NEO1: variants seen among roughly 807,000 people sequenced by gnomAD.
NEO1 encodes the protein neogenin.
In NEO1, 63 loss-of-function variants were observed where a neutral mutation model predicts 159.7. The ratio of observed to expected loss-of-function variants is 0.39; its 90% CI spans 0.32 to 0.49. NEO1 has a LOEUF of 0.49. NEO1 is among the 20% of genes least tolerant of loss of function. The pLI is 0.85. For missense variants in NEO1, 1,615 were observed against 1,831.0 expected (o/e 0.88, Z 2.15); for synonymous variants, 633 against 662.0 (o/e 0.96, Z 0.67).
At chr15:73,196,593 C>G (rs1327164944) in intron 7 of NEO1, among the ~76,000 whole-genome samples, 1 of 152,212 alleles carries the variant, frequency 6.6e-6, no homozygotes, top group Non-Finnish European at 1.5e-5. Flanking sequence ...CATTTTGGCC[C>G]TAATGAGTCT....
chr15:73,195,875 T>A (rs1313067098), intron 7 of NEO1, among the ~76,000 whole-genome samples: 2 of 152,202 alleles, frequency 1.3e-5, no homozygotes, highest in African/African-American at 4.8e-5. Flanking sequence ...TTCAAAATAA[T>A]CTCAGGAAAT....
intron 1 of NEO1, among the ~76,000 whole-genome samples, chr15:73,105,913 C>T (rs2096780089): frequency 6.6e-6 from 1 of 152,102 alleles, no homozygotes; most frequent in Non-Finnish European, 1.5e-5. Context: ...TGTGAAGGTA[C>T]ATTTCCCCCT....
chr15:73,130,848 A>G (rs978394993), intron 4 of NEO1, among the ~76,000 whole-genome samples: 6 of 152,250 alleles, frequency 3.9e-5, no homozygotes, highest in African/African-American at 9.6e-5. Context: ...GGCTCGCTTC[A>G]TGGTGTCAAC....
intron 5 of NEO1, among the ~76,000 whole-genome samples, chr15:73,166,167 A>G (rs560800910): frequency 1.1e-4 from 17 of 152,116 alleles, no homozygotes; most frequent in African/African-American, 4.1e-4. Flanking sequence ...CCACCCCCAT[A>G]CCTGCTATAG....
intron 4 of NEO1, among the ~76,000 whole-genome samples, chr15:73,134,830 A>G (rs1051751346): frequency 6.6e-6 from 1 of 151,936 alleles, no homozygotes; most frequent in African/African-American, 2.4e-5. Context: ...AAGGAATTCT[A>G]TATGAAAAGC....
Position 73,288,307 on chromosome 15 carries a change from G to A in NEO1, c.3411-6G>A, listed in dbSNP as rs781020799. ...TTTTAAAAGCTCCTCTGAACTTCGT[G>A]CCTAGGAAACGAGCTGCCTGCAAAT... is the stretch of plus-strand genomic sequence containing the variant. On this transcript the variant is annotated splice_region_variant and splice_polypyrimidine_tract_variant and intron_variant, in intron 23 of 28. Coordinates refer to ENST00000261908, the MANE Select transcript of NEO1 (RefSeq NM_002499.4). 24 of 1,609,870 alleles carry A rather than the reference G, an allele frequency of 1.5e-5. No homozygotes were observed. Among genetic ancestry groups the A allele is most frequent in the Non-Finnish European group, 1.7e-5 (20 of 1,176,516 alleles).
rs138904950 is a variant in NEO1 at position 73,218,743 on chromosome 15, G to A, written c.1292-17604G>A. Among the ~76,000 whole-genome samples, 323 of 152,314 alleles carry A rather than the reference G, an allele frequency of 2.1e-3. 4 individuals are homozygous for A. The highest frequency in any genetic ancestry group is 7.4e-3 in the African/African-American group (306 of 41,564). Reference sequence around the variant, plus strand: ...GTGATTGTAGTATTCCCTGATGGTAGTTTGTATTTCTGTGGGATCGGTGGT... The same window carrying A: ...GTGATTGTAGTATTCCCTGATGGTAATTTGTATTTCTGTGGGATCGGTGGT... On this transcript the variant is annotated intron_variant, in intron 7 of 28. Coordinates refer to ENST00000261908, the MANE Select transcript of NEO1 (RefSeq NM_002499.4).
chr15:73,288,828 A>G (rs748767596), intron 24 of NEO1, among the ~76,000 whole-genome samples: 1 of 152,108 alleles, frequency 6.6e-6, no homozygotes, highest in Non-Finnish European at 1.5e-5. Flanking sequence ...TAGCTAGCCC[A>G]TGTCTGTGCA....
chr15:73,110,667 C>A (rs770708944), intron 1 of NEO1, among the ~76,000 whole-genome samples: 9 of 151,972 alleles, frequency 5.9e-5, no homozygotes, highest in Non-Finnish European at 1.5e-5. Context: ...GAGAGCTATT[C>A]CATTAAGACG....
At chr15:73,294,691 C>G (rs11629919) in intron 26 of NEO1, among the ~76,000 whole-genome samples, 11,231 of 152,084 alleles carry the variant, frequency 0.074, 498 homozygotes, top group South Asian at 0.09. Flanking sequence ...AGGCACACAC[C>G]ACCACACCCA....
chr15:73,266,468 T>C, intron 16 of NEO1, 57 bp downstream of exon 16: 2 of 1,383,478 alleles, frequency 1.4e-6, no homozygotes, highest in South Asian at 2.6e-5. Flanking sequence ...TTAGGCAGAA[T>C]ATTGGCATGA....
intron 4 of NEO1, among the ~76,000 whole-genome samples, chr15:73,130,766 T>G (rs1596085949): frequency 1.3e-5 from 2 of 152,322 alleles, no homozygotes; most frequent in South Asian, 4.1e-4. Flanking sequence ...GAGGCAACCC[T>G]TCCCTTCACA....
In NEO1 at chr15:73,116,653, C is replaced by T. The variant is rs745931422; in HGVS notation, c.244C>T (p.Pro82Ser). ...CTGTTCAGCATATTCTGAGCCTTCT[C>T]CAAAAATTGAATGGAAAAAAGATGG... ...LNCSAYSEPSPKIEWKKDGTF... is the reference protein window; with the variant it reads ...LNCSAYSEPSSKIEWKKDGTF... Residue 82 changes from proline to serine, a missense_variant, in exon 2 of 29, where the codon CCA becomes TCA. By Grantham distance (74) the Pro-to-Ser change is moderately conservative. This residue lies in a region of NEO1 where 1,018 missense variants were observed against 1,115.4 expected (regional missense o/e 0.91). Coordinates refer to ENST00000261908, the MANE Select transcript of NEO1 (RefSeq NM_002499.4). The T allele has an allele frequency of 2.5e-6, 4 of 1,613,910 alleles. No individual in the cohort carries two copies. The South Asian group carries it at 4.4e-5, about 18-fold the overall frequency.
rs28759160 is a variant in NEO1, at chr15:73,180,871, A to T, written c.1291+2444A>T. On this transcript the variant is annotated intron_variant, in intron 7 of 28. Transcript: ENST00000261908. ...TGTCATGTTATTAATTGTGTTTTCT[A>T]TTTTGCTGTTTTAATTTGCAAGATA... is the stretch of plus-strand genomic sequence containing the variant. Among the ~76,000 whole-genome samples the T allele has an allele frequency of 8.6e-3, 1,309 of 152,304 alleles. 23 individuals are homozygous for T. Among genetic ancestry groups the T allele is most frequent in the African/African-American group, 0.03 (1,237 of 41,560 alleles).
chr15:73,269,895 TTC>T (rs997439433), intron 16 of NEO1, 113 bp from the exon 17 acceptor site: 2 of 831,130 alleles, frequency 2.4e-6, no homozygotes, highest in African/African-American at 3.4e-5. Flanking sequence ...TGAATTTTCT[TTC>T]TTTTTCTCCA....
At chr15:73,262,522 C>G (rs897873370) in intron 15 of NEO1, among the ~76,000 whole-genome samples, 3 of 152,092 alleles carry the variant, frequency 2.0e-5, no homozygotes, top group Admixed American at 2.0e-4. Flanking sequence ...CAACATTAAT[C>G]ATCAGAAAAT....
At chr15:73,268,742 C>T (rs532801538) in intron 16 of NEO1, among the ~76,000 whole-genome samples, 114 of 152,254 alleles carry the variant, frequency 7.5e-4, no homozygotes, top group African/African-American at 2.3e-3. Context: ...TGGGAAAGCC[C>T]GTATGGATTC....
At chr15:73,115,266 C>T (rs1330161666) in intron 1 of NEO1, among the ~76,000 whole-genome samples, 1 of 152,198 alleles carries the variant, frequency 6.6e-6, no homozygotes, top group African/African-American at 2.4e-5. Context: ...TGGTCTCGAA[C>T]TGCTGACCTC....
intron 7 of NEO1, among the ~76,000 whole-genome samples, chr15:73,190,603 A>G (rs2036187420): frequency 6.6e-6 from 1 of 152,184 alleles, no homozygotes; most frequent in Non-Finnish European, 1.5e-5. Context: ...AAAGTTGGCT[A>G]GATAGCAGGA....
Sources: allele counts gnomAD v4.1 joint callset (sites outside exome capture counted in the v4.1 genomes callset), GRCh38; gene constraint gnomAD v4.1.1; regional missense constraint gnomAD v4.1.1; transcripts MANE v1.5; gene names NCBI Gene and HGNC (gene_info 2026-07-23, HGNC 2026-07-21).